The following MYL1 variants were observed in gnomAD, a reference collection of about 807,000 sequenced individuals.
MYL1 encodes myosin light chain 1/3, skeletal muscle isoform.
In MYL1, 16 loss-of-function variants were observed where a neutral mutation model predicts 21.8. The ratio of observed to expected loss-of-function variants is 0.74; its 90% CI spans 0.50 to 1.12. The LOEUF (loss-of-function observed/expected upper bound fraction) is 1.12. Ranked by LOEUF, MYL1 falls within the 50% of genes most tolerant of loss-of-function variation. The pLI is 0.00. For synonymous variants in MYL1, 99 were observed against 85.2 expected (o/e 1.16, Z -0.89); for missense variants, 246 against 241.0 (o/e 1.02, Z -0.14).
At chr2:210,297,234 T>G (rs1690187852) in intron 3 of MYL1, among the ~76,000 whole-genome samples, 1 of 151,940 alleles carries the variant, frequency 6.6e-6, no homozygotes, top group Non-Finnish European at 1.5e-5. Flanking sequence ...TTTTAGTTTT[T>G]TGATAAACCG....
chr2:210,309,605 A>G (rs907634659), intron 1 of MYL1, among the ~76,000 whole-genome samples: 3 of 152,050 alleles, frequency 2.0e-5, no homozygotes, highest in Non-Finnish European at 4.4e-5. Flanking sequence ...TTGATATAGA[A>G]ACAAATCACA....
chr2:210,315,172 G>T lies in MYL1; in HGVS notation c.-130C>A. ...AGTGTCTTGAAGATGGACCCAGAGT[G>T]TTAAACGGCATAAGGGCATGCATAT... On this transcript the variant is annotated 5_prime_UTR_variant, in exon 1 of 7. Coordinates refer to ENST00000352451, the MANE Select transcript of MYL1 (RefSeq NM_079420.3). 9.2e-7 allele frequency: 1 copy of T among 1,082,984 alleles called. No homozygotes were observed. Among genetic ancestry groups the T allele is most frequent in the Non-Finnish European group, 1.4e-6 (1 of 739,392 alleles). 67.1% of individuals were successfully genotyped at this position (1,082,984 alleles called of 1,614,324 possible). A position where few individuals can be genotyped will look rare whatever the true frequency, so the allele number is the denominator to read the frequency against.
At chr2:210,306,840 C>T (rs1690347579) in intron 1 of MYL1, among the ~76,000 whole-genome samples, 1 of 151,750 alleles carries the variant, frequency 6.6e-6, no homozygotes, top group Admixed American at 6.6e-5. Flanking sequence ...GTCTGGCTTA[C>T]TTTTATAAAT....
At chr2:210,303,720 T>C (rs936843081) in intron 1 of MYL1, 2 of 749,954 alleles carry the variant, frequency 2.7e-6, no homozygotes, top group African/African-American at 3.7e-5. Context: ...GGAGAGTTCT[T>C]TAGCTTTCTT....
chr2:210,299,455 T>A (rs570956639), intron 2 of MYL1, among the ~76,000 whole-genome samples: 98 of 152,280 alleles, frequency 6.4e-4, no homozygotes, highest in African/African-American at 2.1e-3. Flanking sequence ...TCAATTTTAG[T>A]CACATTTTCC....
intron 3 of MYL1, among the ~76,000 whole-genome samples, chr2:210,296,223 A>G (rs1481115991): frequency 6.6e-6 from 1 of 152,214 alleles, no homozygotes; most frequent in Non-Finnish European, 1.5e-5. Flanking sequence ...CATGTGTATA[A>G]TGTGTAATGA....
chr2:210,304,045 A>G (rs935696422), intron 1 of MYL1, among the ~76,000 whole-genome samples: 6 of 152,232 alleles, frequency 3.9e-5, no homozygotes, highest in Non-Finnish European at 1.5e-5. Flanking sequence ...GGCAACTGCT[A>G]TAGCAGGAGC....
chr2:210,293,616 C>T (rs1360948252), intron 5 of MYL1, 107 bp downstream of exon 5: 1 of 824,916 alleles, frequency 1.2e-6, no homozygotes, highest in Non-Finnish European at 2.0e-6. Context: ...AATTGATTGT[C>T]ATATGTATGT....
chr2:210,300,521 C>T (rs778738957), intron 2 of MYL1, among the ~76,000 whole-genome samples: 9 of 151,956 alleles, frequency 5.9e-5, no homozygotes, highest in African/African-American at 9.7e-5. Context: ...CAAAGCCTAA[C>T]GTATTTACTA....
In MYL1 at chr2:210,315,057, G is replaced by T; in HGVS notation, c.-15C>A. On this transcript the variant is annotated 5_prime_UTR_variant, in exon 1 of 7. Transcript: ENST00000352451. Reference sequence around the variant, plus strand: ...TTTGGTGCCATTTTTTTTTTTAAAAGGGTGGGTTAAAAAGAGAAGGAGTTC... The same window carrying T: ...TTTGGTGCCATTTTTTTTTTTAAAATGGTGGGTTAAAAAGAGAAGGAGTTC... 1 of 1,592,744 alleles carries T rather than the reference G, an allele frequency of 6.3e-7. No homozygotes were observed. The highest frequency in any genetic ancestry group is 1.2e-5 in the South Asian group (1 of 86,270).
chr2:210,310,096 G>C (rs1690395360), intron 1 of MYL1, among the ~76,000 whole-genome samples: 1 of 151,960 alleles, frequency 6.6e-6, no homozygotes, highest in South Asian at 2.1e-4. Flanking sequence ...TGCTCCTGAG[G>C]TTATATTTAC....
At chr2:210,298,088 G>A (rs138587688) in intron 3 of MYL1, among the ~76,000 whole-genome samples, 9 of 152,004 alleles carry the variant, frequency 5.9e-5, no homozygotes, top group South Asian at 4.2e-4. Flanking sequence ...ATGAACATTC[G>A]AAATGATATT....
intron 1 of MYL1, among the ~76,000 whole-genome samples, chr2:210,312,659 G>A (rs1690432865): frequency 6.6e-6 from 1 of 151,866 alleles, no homozygotes; most frequent in African/African-American, 2.4e-5. Context: ...ACAAAAGTGT[G>A]TTAGTTTCCA....
intron 3 of MYL1, among the ~76,000 whole-genome samples, chr2:210,294,957 T>C (rs370701169): frequency 2.0e-5 from 3 of 152,294 alleles, no homozygotes; most frequent in African/African-American, 7.2e-5. Flanking sequence ...GTTCTTTAAA[T>C]CCTTTCTTTA....
At chr2:210,295,254 A>G (rs1036334589) in intron 3 of MYL1, among the ~76,000 whole-genome samples, 7 of 152,170 alleles carry the variant, frequency 4.6e-5, no homozygotes, top group Admixed American at 6.5e-5. Flanking sequence ...AGTAATATTT[A>G]AAAAATTAAA....
chr2:210,310,888 G>A (rs1690410054), intron 1 of MYL1, among the ~76,000 whole-genome samples: 1 of 152,022 alleles, frequency 6.6e-6, no homozygotes, highest in Non-Finnish European at 1.5e-5. Context: ...ATAAATAAGG[G>A]TGGTAGTTTT....
At chr2:210,307,334 A>G (rs1690353227) in intron 1 of MYL1, among the ~76,000 whole-genome samples, 1 of 152,148 alleles carries the variant, frequency 6.6e-6, no homozygotes, top group Admixed American at 6.6e-5. Flanking sequence ...CCTTGCCTAT[A>G]TTTGAAGCTC....
intron 1 of MYL1, chr2:210,302,730 G>T (rs1690282688): frequency 1.3e-6 from 2 of 1,558,188 alleles, no homozygotes; most frequent in African/African-American, 1.4e-5. Flanking sequence ...AGGCAGTGCT[G>T]TGCCTACATC....
intron 6 of MYL1, among the ~76,000 whole-genome samples, 169 bp downstream of exon 6, chr2:210,290,863 G>A (rs1194874007): frequency 6.6e-6 from 1 of 151,856 alleles, no homozygotes; most frequent in East Asian, 1.9e-4. Flanking sequence ...GTACAAAAAT[G>A]CTCTATTTCT....
Sources: gnomAD v4.1 joint callset for allele counts (sites outside exome capture counted in the v4.1 genomes callset) on GRCh38, gnomAD v4.1.1 for gene constraint, MANE v1.5 for transcripts, NCBI Gene and HGNC (gene_info 2026-07-23, HGNC 2026-07-21) for gene names.